The following GSPT1 variants were observed in gnomAD, a reference collection of about 807,000 sequenced individuals.
The protein encoded by GSPT1 is eukaryotic peptide chain release factor GTP-binding subunit ERF3A.
GSPT1 carries 20 observed loss-of-function variants against 72.5 expected under a neutral mutation model. The observed-to-expected ratio is 0.28, with a 90% CI of 0.19 to 0.40. The LOEUF (loss-of-function observed/expected upper bound fraction) is 0.40. Ranked by LOEUF, GSPT1 falls within the 10% of genes least tolerant of loss-of-function variation. The pLI is 1.00. For synonymous variants in GSPT1, 334 were observed against 293.5 expected (o/e 1.14, Z -1.41); for missense variants, 580 against 811.9 (o/e 0.71, Z 3.47).
rs541133164 is a variant in GSPT1 at position 11,870,529 on chromosome 16, C to T, written c.*2590G>A. On this transcript the variant is annotated 3_prime_UTR_variant, in exon 15 of 15. Coordinates refer to ENST00000434724, the MANE Select transcript of GSPT1 (RefSeq NM_002094.4). ...TTTTGCACTGTTGACCATATAAGCA[C>T]GTTTGCATTTGCAGAAAACAGAATG... 3.3e-4 allele frequency: 50 copies of T among 152,288 alleles called. No homozygotes were observed. Among genetic ancestry groups the T allele is most frequent in the African/African-American group, 1.0e-3 (42 of 41,554 alleles). The allele number at this position is 152,288 out of a possible 1,614,324, so 9.4% of individuals were successfully genotyped here. A position where few individuals can be genotyped will look rare whatever the true frequency, so the allele number is the denominator to read the frequency against.
chr16:11,885,807 T>C (rs1430207331), intron 9 of GSPT1, among the ~76,000 whole-genome samples: 1 of 151,944 alleles, frequency 6.6e-6, no homozygotes, highest in South Asian at 2.1e-4. Context: ...TGGGAGGATC[T>C]CTTGAGCTGG....
At position 11,875,744 on chromosome 16, in the gene GSPT1, A is replaced by G. The variant is rs745675621; in HGVS notation, c.1861+17T>C. On this transcript the variant is annotated intron_variant, in intron 14 of 14. Coordinates refer to ENST00000434724, the MANE Select transcript of GSPT1 (RefSeq NM_002094.4). ...TATCCTGGATATACTACTAGACGTC[A>G]GTTTAAAAGCTCTTACCCTCATCTC... The G allele has an allele frequency of 1.3e-6, 2 of 1,580,812 alleles. No homozygotes were observed. The highest frequency in any genetic ancestry group is 2.2e-5 in the East Asian group (1 of 44,762).
intron 4 of GSPT1, chr16:11,895,580 A>G (rs2054324772): frequency 6.6e-6 from 1 of 152,418 alleles, no homozygotes; most frequent in African/African-American, 2.4e-5. Flanking sequence ...AACTAGATTC[A>G]GGTGCTTTTC....
At chr16:11,894,821 C>G (rs891139777) in intron 5 of GSPT1, 133 bp downstream of exon 5, 8 of 592,884 alleles carry the variant, frequency 1.3e-5, no homozygotes, top group Admixed American at 5.3e-5. Context: ...GTATTGTGTC[C>G]CAGTAATTTT....
chr16:11,897,313 A>G (rs1489826478), intron 3 of GSPT1, among the ~76,000 whole-genome samples: 2 of 152,156 alleles, frequency 1.3e-5, no homozygotes, highest in Non-Finnish European at 2.9e-5. Flanking sequence ...GTGGCCGAGC[A>G]TGGTGGCTCA....
At chr16:11,913,892 C>T (rs1340432076) in intron 1 of GSPT1, among the ~76,000 whole-genome samples, 1 of 152,236 alleles carries the variant, frequency 6.6e-6, no homozygotes, top group African/African-American at 2.4e-5. Flanking sequence ...ATAAATGCCA[C>T]TGTCAACAAA....
rs746782794 is a variant in GSPT1, at chr16:11,897,902, TAATA to T, written c.395-25_395-22del. On this transcript the variant is annotated intron_variant, in intron 2 of 14. Coordinates refer to ENST00000434724, the MANE Select transcript of GSPT1 (RefSeq NM_002094.4). ...TGAACCTAGACAAGAGATTGAAATA[TAATA>T]TATATTTACCAAACAGTATCTAGCT... The T allele has an allele frequency of 8.0e-5, 120 of 1,503,366 alleles. No individual in the cohort carries two copies. The East Asian group carries it at 2.1e-3, about 27-fold the overall frequency. 93.1% of individuals were successfully genotyped at this position (1,503,366 alleles called of 1,614,324 possible). A position where few individuals can be genotyped will look rare whatever the true frequency, so the allele number is the denominator to read the frequency against.
At chr16:11,885,695 A>G (rs2054178953) in intron 9 of GSPT1, among the ~76,000 whole-genome samples, 1 of 152,140 alleles carries the variant, frequency 6.6e-6, no homozygotes, top group Admixed American at 6.5e-5. Context: ...GGAGTTCGAC[A>G]CCAGCCTGGG....
intron 5 of GSPT1, among the ~76,000 whole-genome samples, chr16:11,892,278 G>A (rs1165978083): frequency 6.6e-6 from 1 of 151,246 alleles, no homozygotes; most frequent in Non-Finnish European, 1.5e-5. Flanking sequence ...AGGAGTGTGA[G>A]GTTACAGTAA....
intron 11 of GSPT1, among the ~76,000 whole-genome samples, chr16:11,878,539 A>G (rs1221516192): frequency 4.0e-5 from 6 of 150,618 alleles, no homozygotes; most frequent in African/African-American, 1.5e-4. Context: ...GGCTGCAGTG[A>G]GCTATGATCA....
intron 8 of GSPT1, 50 bp downstream of exon 8, chr16:11,886,727 A>G: frequency 6.3e-7 from 1 of 1,582,202 alleles, no homozygotes; most frequent in Non-Finnish European, 8.6e-7. Flanking sequence ...GTACAATAAC[A>G]AAACCATCCT....
At chr16:11,882,684 A>G in intron 11 of GSPT1, 1 of 189,084 alleles carries the variant, frequency 5.3e-6, no homozygotes, top group South Asian at 1.2e-4. Context: ...GCCAGGCATG[A>G]TGGCTCACGC....
chr16:11,915,976 C>G (rs774706820), upstream of GSPT1: 62 of 713,730 alleles, frequency 8.7e-5, no homozygotes, highest in Middle Eastern at 2.4e-4. Flanking sequence ...CCCACCCAAC[C>G]ACCTCCGACG....
chr16:11,906,860 C>T (rs1257086309), intron 1 of GSPT1, among the ~76,000 whole-genome samples: 1 of 152,012 alleles, frequency 6.6e-6, no homozygotes, highest in Non-Finnish European at 1.5e-5. Flanking sequence ...ATGTAAATCC[C>T]TCCAACAACA....
chr16:11,878,002 T>TA (rs768200165), intron 11 of GSPT1, among the ~76,000 whole-genome samples: 3 of 152,230 alleles, frequency 2.0e-5, no homozygotes, highest in Non-Finnish European at 4.4e-5. Flanking sequence ...ATGCACTACT[T>TA]AAAAATTATT....
At chr16:11,911,854 A>ATTGTTTTTTTTTTTTTT (rs2054562150) in intron 1 of GSPT1, among the ~76,000 whole-genome samples, 2 of 45,384 alleles carry the variant, frequency 4.4e-5, no homozygotes, top group Non-Finnish European at 3.8e-5. Context: ...ACCCAGCTGT[A>ATTGTTTTTTTTTTTTTT]TTTTTTTTTT....
At chr16:11,913,806 G>C (rs770226189) in intron 1 of GSPT1, among the ~76,000 whole-genome samples, 5 of 152,188 alleles carry the variant, frequency 3.3e-5, no homozygotes, top group South Asian at 2.1e-4. Context: ...TTATTCAAGA[G>C]GAAAACATTG....
intron 12 of GSPT1, among the ~76,000 whole-genome samples, chr16:11,876,726 G>C (rs974660571): frequency 2.0e-5 from 3 of 152,158 alleles, no homozygotes; most frequent in Non-Finnish European, 2.9e-5. Flanking sequence ...CTGGGTGACA[G>C]AGCAAGACCC....
At chr16:11,881,222 G>A (rs889364214) in intron 11 of GSPT1, 2 of 152,142 alleles carry the variant, frequency 1.3e-5, no homozygotes, top group Non-Finnish European at 2.9e-5. Flanking sequence ...AACTATTCTA[G>A]CTCTGTTCCA....
Sources: allele counts gnomAD v4.1 joint callset (sites outside exome capture counted in the v4.1 genomes callset), GRCh38; gene constraint gnomAD v4.1.1; transcripts MANE v1.5; gene names NCBI Gene and HGNC (gene_info 2026-07-23, HGNC 2026-07-21).